The following WWP2 variants were observed in gnomAD, a reference collection of about 807,000 sequenced individuals.
The protein encoded by WWP2 is WW domain containing E3 ubiquitin protein ligase 2.
Under a neutral mutation model 121.0 loss-of-function variants are expected in WWP2, and 57 were observed. That is an observed-to-expected ratio of 0.47 (90% CI 0.38 to 0.59). The LOEUF is 0.59. Among genes scored for constraint, WWP2 ranks in the 20% least tolerant of loss-of-function variants. The pLI is 0.00. For missense variants in WWP2, 962 were observed against 1,158.9 expected (o/e 0.83, Z 2.47); for synonymous variants, 449 against 441.3 (o/e 1.02, Z -0.22).
chr16:69,834,441 C>T (rs1252566296), intron 4 of WWP2, among the ~76,000 whole-genome samples: 1 of 152,108 alleles, frequency 6.6e-6, no homozygotes, highest in African/African-American at 2.4e-5. Flanking sequence ...CCCAGCTTAA[C>T]ATTCTTCATC....
rs1555504308 is a variant in WWP2 at position 69,923,320 on chromosome 16, T to TG, written c.1180-2102dup. On this transcript the variant is annotated intron_variant, in intron 10 of 23. Coordinates refer to ENST00000359154, the MANE Select transcript of WWP2 (RefSeq NM_001270454.2). ...CTTATAGGTGTGTGTGTTGGGGGGG[T>TG]GGGGGGGGTGCGTTCTGATAGAATA... Among the ~76,000 whole-genome samples the TG allele has an allele frequency of 8.7e-3, 294 of 33,614 alleles. 6 individuals carry two copies. Among genetic ancestry groups the TG allele is most frequent in the African/African-American group, 0.02 (221 of 11,104 alleles). The allele number at this position is 33,614 out of a possible 152,430, so 22.1% of individuals were successfully genotyped here. A position where few individuals can be genotyped will look rare whatever the true frequency, so the allele number is the denominator to read the frequency against.
intron 6 of WWP2, among the ~76,000 whole-genome samples, chr16:69,853,882 A>C (rs2151893162): frequency 6.6e-6 from 1 of 152,296 alleles, no homozygotes; most frequent in Middle Eastern, 3.4e-3. Flanking sequence ...TGTCACTTTA[A>C]AACCACATCT....
At chr16:69,802,811 G>T (rs921060885) in intron 4 of WWP2, among the ~76,000 whole-genome samples, 1 of 151,840 alleles carries the variant, frequency 6.6e-6, no homozygotes, top group South Asian at 2.1e-4. Context: ...CACCATGTTG[G>T]CCAGGCTGGT....
chr16:69,905,992 T>G (rs1005645008), intron 8 of WWP2, among the ~76,000 whole-genome samples: 2 of 152,176 alleles, frequency 1.3e-5, no homozygotes, highest in African/African-American at 4.8e-5. Context: ...TGGTAGATTC[T>G]CAGTGGGTAA....
intron 8 of WWP2, among the ~76,000 whole-genome samples, chr16:69,907,213 A>G (rs2058307982): frequency 6.6e-6 from 1 of 152,176 alleles, no homozygotes. Flanking sequence ...CTATTAATAC[A>G]TTGTAAACTG....
chr16:69,829,891 A>G (rs1033511552), intron 4 of WWP2, among the ~76,000 whole-genome samples: 5 of 152,104 alleles, frequency 3.3e-5, no homozygotes, highest in Admixed American at 6.5e-5. Flanking sequence ...CCTGGGTTCA[A>G]GTAATCCTCT....
chr16:69,814,200 G>A (rs191369161), intron 4 of WWP2, among the ~76,000 whole-genome samples: 138 of 152,240 alleles, frequency 9.1e-4, no homozygotes, highest in Non-Finnish European at 1.6e-3. Flanking sequence ...TTGCTCTGTC[G>A]TCTAGGCTGC....
At chr16:69,841,754 T>C (rs2056982302) in intron 5 of WWP2, among the ~76,000 whole-genome samples, 1 of 152,208 alleles carries the variant, frequency 6.6e-6, no homozygotes, top group Non-Finnish European at 1.5e-5. Context: ...TAAGGCAATG[T>C]GCTTGTAAGT....
chr16:69,796,503 C>T (rs966405542), intron 2 of WWP2, among the ~76,000 whole-genome samples: 1 of 152,234 alleles, frequency 6.6e-6, no homozygotes, highest in Admixed American at 6.5e-5. Context: ...GGTGTTGCGG[C>T]TCACTGCCGC....
chr16:69,876,181 C>T (rs1443897556), intron 7 of WWP2, among the ~76,000 whole-genome samples: 1 of 152,142 alleles, frequency 6.6e-6, no homozygotes, highest in Non-Finnish European at 1.5e-5. Flanking sequence ...TGGTCTTGAA[C>T]TCCTGACCTC....
At chr16:69,842,242 AACTG>A in intron 6 of WWP2, 122 bp downstream of exon 6, 2 of 930,238 alleles carry the variant, frequency 2.1e-6, no homozygotes, top group Non-Finnish European at 3.3e-6. Context: ...GAGATCTTGT[AACTG>A]ACTCAGTAGT....
chr16:69,792,101 G>T (rs2055925461), intron 2 of WWP2, among the ~76,000 whole-genome samples: 1 of 152,140 alleles, frequency 6.6e-6, no homozygotes, highest in Non-Finnish European at 1.5e-5. Context: ...CATGAAGAAA[G>T]CTGATAGTGT....
At chr16:69,888,307 A>T in intron 8 of WWP2, 58 bp downstream of exon 8, 2 of 1,548,666 alleles carry the variant, frequency 1.3e-6, no homozygotes, top group Non-Finnish European at 1.7e-6. Flanking sequence ...AGGCTCCTTT[A>T]CGGGGGTGGA....
At position 69,828,019 on chromosome 16, in the gene WWP2, C is replaced by T. The variant is rs544273931; in HGVS notation, c.341-12107C>T. 6.9e-4 allele frequency: 288 copies of T among 416,578 alleles called. 1 individual carries two copies. The highest frequency in any genetic ancestry group is 4.6e-3 in the African/African-American group (223 of 48,426). 25.8% of individuals were successfully genotyped at this position (416,578 alleles called of 1,614,324 possible). On this transcript the variant is annotated intron_variant, in intron 4 of 23. Transcript: ENST00000359154. ...AGACTCCTTCTGGGGTACCTTGTTA[C>T]GTGGGTGACTGTAATGGGTAACTGG...
At chr16:69,797,877 A>G (rs1452529259) in intron 2 of WWP2, among the ~76,000 whole-genome samples, 1 of 149,126 alleles carries the variant, frequency 6.7e-6, no homozygotes, top group African/African-American at 2.5e-5. Flanking sequence ...AACAAGAGCC[A>G]AACTCTATCT....
intron 1 of WWP2, among the ~76,000 whole-genome samples, chr16:69,775,336 A>G (rs1405523973): frequency 6.6e-6 from 1 of 152,188 alleles, no homozygotes; most frequent in Non-Finnish European, 1.5e-5. Flanking sequence ...GAGAAGGGTG[A>G]GAGGAAGCTG....
At chr16:69,892,427 A>G (rs2058043317) in intron 8 of WWP2, among the ~76,000 whole-genome samples, 1 of 150,190 alleles carries the variant, frequency 6.7e-6, no homozygotes, top group African/African-American at 2.5e-5. Flanking sequence ...TGATTCTCTT[A>G]AACAACTCTC....
chr16:69,802,367 C>T (rs1347224925), intron 4 of WWP2, among the ~76,000 whole-genome samples: 1 of 152,190 alleles, frequency 6.6e-6, no homozygotes, highest in Non-Finnish European at 1.5e-5. Flanking sequence ...ACTCTTTTCA[C>T]CTTGCAAAAC....
chr16:69,870,538 T>C (rs1566457), intron 6 of WWP2, among the ~76,000 whole-genome samples: 85,527 of 151,934 alleles, frequency 0.56, 24,860 homozygotes, highest in East Asian at 0.91. Flanking sequence ...TGGGCTCAAG[T>C]GATCCTCCCG....
Sources: allele counts gnomAD v4.1 joint callset (sites outside exome capture counted in the v4.1 genomes callset), GRCh38; gene constraint gnomAD v4.1.1; transcripts MANE v1.5; gene names NCBI Gene and HGNC (gene_info 2026-07-23, HGNC 2026-07-21).